Variants in SEC14L1 observed in about 807,000 individuals in gnomAD.
SEC14L1 encodes SEC14-like protein 1.
In SEC14L1, 48 loss-of-function variants were observed where a neutral mutation model predicts 85.3. The observed-to-expected ratio is 0.56, with a 90% CI of 0.45 to 0.72. SEC14L1 has a LOEUF of 0.72. Ranked by LOEUF, SEC14L1 falls within the 30% of genes least tolerant of loss-of-function variation. SEC14L1 has a pLI of 0.00. For missense variants in SEC14L1, 682 were observed against 921.4 expected (o/e 0.74, Z 3.36); for synonymous variants, 391 against 355.5 (o/e 1.10, Z -1.12).
intron 3 of SEC14L1, among the ~76,000 whole-genome samples, chr17:77,153,334 T>C (rs1220052612): frequency 6.6e-6 from 1 of 152,218 alleles, no homozygotes; most frequent in Non-Finnish European, 1.5e-5. Context: ...CCCAAAGTGC[T>C]GGGATTACAG....
At chr17:77,123,429 T>TTTTTTTTTTTG (rs1972354657) in intron 3 of SEC14L1, among the ~76,000 whole-genome samples, 1 of 146,008 alleles carries the variant, frequency 6.8e-6, no homozygotes, top group Non-Finnish European at 1.5e-5. Flanking sequence ...TTTTTTTTTT[T>TTTTTTTTTTTG]GAGACAGAGC....
intron 3 of SEC14L1, among the ~76,000 whole-genome samples, chr17:77,107,959 G>A (rs1033838722): frequency 6.6e-6 from 1 of 151,946 alleles, no homozygotes; most frequent in Non-Finnish European, 1.5e-5. Flanking sequence ...GCCCAGGCTG[G>A]TCTCAAACTC....
Position 77,196,193 on chromosome 17 carries a change from A to G in SEC14L1, c.710-9A>G, listed in dbSNP as rs1975799156. The stretch of plus-strand genomic sequence containing the variant: ...TCTTTGTTGTAAATAAATGTCACTT[A>G]CATTCCAGACAAACTAGATGCCGAC... On this transcript the variant is annotated splice_polypyrimidine_tract_variant and intron_variant, in intron 7 of 16. Coordinates refer to ENST00000436233, the MANE Select transcript of SEC14L1 (RefSeq NM_001143998.2). The G allele has an allele frequency of 6.2e-7, 1 of 1,604,410 alleles. No homozygotes were observed. Among genetic ancestry groups the G allele is most frequent in the African/African-American group, 1.3e-5 (1 of 74,794 alleles).
Position 77,215,905 on chromosome 17 carries a change from A to G in SEC14L1, c.*1882A>G, listed in dbSNP as rs999804620. On this transcript the variant is annotated 3_prime_UTR_variant, in exon 17 of 17. Transcript: ENST00000436233. ...GTAGGTAGGGTTCGTAGGTAGGGCTAGTAGGTAGGGTTAGTAGGTAGGGTT... is the reference window on the plus strand; with the variant it reads ...GTAGGTAGGGTTCGTAGGTAGGGCTGGTAGGTAGGGTTAGTAGGTAGGGTT... 16 of 928,230 alleles carry G rather than the reference A, an allele frequency of 1.7e-5. No homozygotes were observed. Among genetic ancestry groups the G allele is most frequent in the Non-Finnish European group, 2.0e-5 (16 of 785,232 alleles). 57.5% of individuals were successfully genotyped at this position (928,230 alleles called of 1,614,324 possible). A position where few individuals can be genotyped will look rare whatever the true frequency, so the allele number is the denominator to read the frequency against.
At chr17:77,091,970 C>G (rs1243771841) in intron 2 of SEC14L1, among the ~76,000 whole-genome samples, 1 of 152,186 alleles carries the variant, frequency 6.6e-6, no homozygotes, top group African/African-American at 2.4e-5. Context: ...TGCCATCACA[C>G]CCGGCTAATT....
intron 3 of SEC14L1, among the ~76,000 whole-genome samples, chr17:77,164,314 C>T (rs1343427224): frequency 6.6e-6 from 1 of 152,188 alleles, no homozygotes; most frequent in East Asian, 1.9e-4. Context: ...CTTTAAAAGA[C>T]CTCTCTGGGA....
intron 3 of SEC14L1, among the ~76,000 whole-genome samples, chr17:77,100,293 G>C (rs1271989998): frequency 2.0e-5 from 3 of 152,084 alleles, no homozygotes; most frequent in African/African-American, 7.2e-5. Flanking sequence ...CGGCATTCAC[G>C]TTAGTGCGCA....
At chr17:77,131,517 G>A (rs1198760157) in intron 3 of SEC14L1, among the ~76,000 whole-genome samples, 1 of 152,122 alleles carries the variant, frequency 6.6e-6, no homozygotes, top group Non-Finnish European at 1.5e-5. Context: ...TGATCCACCC[G>A]CCTCGACCTC....
At chr17:77,191,714 T>G (rs534866765) in intron 5 of SEC14L1, among the ~76,000 whole-genome samples, 1 of 151,624 alleles carries the variant, frequency 6.6e-6, no homozygotes, top group East Asian at 1.9e-4. Context: ...GGCTGATTTT[T>G]GTATTTTTAG....
chr17:77,178,828 C>T (rs571764962), intron 3 of SEC14L1, among the ~76,000 whole-genome samples: 6 of 152,292 alleles, frequency 3.9e-5, no homozygotes, highest in Middle Eastern at 3.4e-3. Flanking sequence ...CAGCAGCGCA[C>T]GGACCGGTAG....
chr17:77,152,400 G>T (rs2143576290), intron 3 of SEC14L1, among the ~76,000 whole-genome samples: 1 of 152,214 alleles, frequency 6.6e-6, no homozygotes, highest in Non-Finnish European at 1.5e-5. Flanking sequence ...GCCGGGCGTG[G>T]TGGCAGGCAG....
chr17:77,195,382 C>A (rs560006504), intron 7 of SEC14L1, among the ~76,000 whole-genome samples: 188 of 151,928 alleles, frequency 1.2e-3, no homozygotes, highest in African/African-American at 4.4e-3. Context: ...GCAGTGGTGC[C>A]ATCTTGGCTC....
rs1353798812 is a variant in SEC14L1 at position 77,178,065 on chromosome 17, C to CT, written c.64-12728dup. Among the ~76,000 whole-genome samples the CT allele has an allele frequency of 5.6e-3, 770 of 136,422 alleles. 6 individuals are homozygous for CT. Among genetic ancestry groups the CT allele is most frequent in the African/African-American group, 0.02 (687 of 33,800 alleles). 89.5% of individuals were successfully genotyped at this position (136,422 alleles called of 152,430 possible). ...TTCCCTTTCTTCCCCTCCCCCCCCC[C>CT]TTTTTTTTTTGAGTGCAGTGTTCAT... is the stretch of plus-strand genomic sequence containing the variant. On this transcript the variant is annotated intron_variant, in intron 3 of 16. Coordinates refer to ENST00000436233, the MANE Select transcript of SEC14L1 (RefSeq NM_001143998.2).
At chr17:77,169,487 G>C (rs1974436138) in intron 3 of SEC14L1, among the ~76,000 whole-genome samples, 1 of 152,210 alleles carries the variant, frequency 6.6e-6, no homozygotes, top group South Asian at 2.1e-4. Context: ...CCTCTGGCCT[G>C]CCTGCCGCAC....
At chr17:77,143,539 A>T in intron 2 of SEC14L1, 28 bp from the exon 3 acceptor site, 3 of 1,393,308 alleles carry the variant, frequency 2.2e-6, no homozygotes, top group South Asian at 1.2e-5. Flanking sequence ...CATTGTGGTT[A>T]CTTATCACAT....
chr17:77,213,573 G>A lies in SEC14L1; in HGVS notation c.2042+81G>A. On this transcript the variant is annotated intron_variant, in intron 16 of 16. Transcript: ENST00000436233. This position sits in a 1 kb window ranked among gnomAD's most constrained non-coding sequence, Gnocchi z 7.1. Reference sequence around the variant, plus strand: ...AGCCTGCAGTCCCACGCCGTGTGCAGGATCAGCAGTGGCGGCGGGTGTCAG... The same window carrying A: ...AGCCTGCAGTCCCACGCCGTGTGCAAGATCAGCAGTGGCGGCGGGTGTCAG... The A allele has an allele frequency of 6.5e-7, 1 of 1,536,062 alleles. No homozygotes were observed. The highest frequency in any genetic ancestry group is 8.9e-7 in the Non-Finnish European group (1 of 1,126,682).
chr17:77,206,446 C>T lies in SEC14L1; in HGVS notation c.1341+46C>T, dbSNP rs1352045781. 1.3e-6 allele frequency: 2 copies of T among 1,587,106 alleles called. No homozygotes were observed. Among genetic ancestry groups the T allele is most frequent in the Non-Finnish European group, 1.7e-6 (2 of 1,160,276 alleles). Reference sequence around the variant, plus strand: ...CAGTAACTGTGAGCCATTTGGAAAGCAGATAACATGCATTCATATACACGT... The same window carrying T: ...CAGTAACTGTGAGCCATTTGGAAAGTAGATAACATGCATTCATATACACGT... On this transcript the variant is annotated intron_variant, in intron 12 of 16. Transcript: ENST00000436233. The surrounding 1 kb of genome is among the most constrained non-coding windows in gnomAD (Gnocchi z 4.3).
At chr17:77,133,938 C>CTA (rs1555617795) in intron 3 of SEC14L1, among the ~76,000 whole-genome samples, 2 of 93,804 alleles carry the variant, frequency 2.1e-5, no homozygotes, top group African/African-American at 8.4e-5. Context: ...GACTCCATCT[C>CTA]AAAAAAAAAA....
chr17:77,121,465 T>C (rs973042112), intron 3 of SEC14L1, among the ~76,000 whole-genome samples: 3 of 152,122 alleles, frequency 2.0e-5, no homozygotes, highest in African/African-American at 7.2e-5. Context: ...TTCAAGCGAT[T>C]CTCCTGCCTC....
Sources: allele counts gnomAD v4.1 joint callset (sites outside exome capture counted in the v4.1 genomes callset), GRCh38; gene constraint gnomAD v4.1.1; non-coding constraint Gnocchi (gnomAD v3.1); transcripts MANE v1.5; gene names NCBI Gene and HGNC (gene_info 2026-07-23, HGNC 2026-07-21).